Variants in MYCBP2 observed in about 807,000 individuals in gnomAD.
MYCBP2 encodes the protein MYC binding protein 2.
Under a neutral mutation model 525.3 loss-of-function variants are expected in MYCBP2, and 120 were observed. The observed-to-expected ratio is 0.23, with a 90% CI of 0.20 to 0.27. The LOEUF is 0.27. Ranked by LOEUF, MYCBP2 falls within the 10% of genes least tolerant of loss-of-function variation. MYCBP2 has a pLI of 1.00. For synonymous variants in MYCBP2, 1,894 were observed against 1,955.8 expected (o/e 0.97, Z 0.83); for missense variants, 4,149 against 5,657.1 (o/e 0.73, Z 8.55).
rs1594291678 is a variant in MYCBP2, at chr13:77,077,133, T to G, written c.11724+15A>C. On this transcript the variant is annotated intron_variant, in intron 67 of 82. Transcript: ENST00000544440. ...TCAATTATCCTGTGCTAGAATATGTTGTAAGGACACTCACTTGAGACGTAA... is the reference window on the plus strand; with the variant it reads ...TCAATTATCCTGTGCTAGAATATGTGGTAAGGACACTCACTTGAGACGTAA... 1 of 1,611,994 alleles carries G rather than the reference T, an allele frequency of 6.2e-7. No homozygotes were observed. Among genetic ancestry groups the G allele is most frequent in the African/African-American group, 1.3e-5 (1 of 75,016 alleles).
intron 68 of MYCBP2, among the ~76,000 whole-genome samples, chr13:77,071,447 G>C (rs972924830): frequency 6.6e-6 from 1 of 152,100 alleles, no homozygotes. Flanking sequence ...TCTTAAGATA[G>C]AGAGCCAGAA....
Position 77,144,341 on chromosome 13 carries a change from A to T in MYCBP2, c.7303+104T>A. ...AGGCCTCAAATAAGTTATGAAACCT[A>T]TCCATATGTCTAGTGCAAGTTAATG... On this transcript the variant is annotated intron_variant, in intron 49 of 82. Coordinates refer to ENST00000544440, the MANE Select transcript of MYCBP2 (RefSeq NM_015057.5). The T allele has an allele frequency of 6.8e-6, 5 of 738,300 alleles. No individual in the cohort carries two copies. The South Asian group carries it at 8.3e-5, about 12-fold the overall frequency. The allele number at this position is 738,300 out of a possible 1,614,324, so 45.7% of individuals were successfully genotyped here. A position where few individuals can be genotyped will look rare whatever the true frequency, so the allele number is the denominator to read the frequency against.
At chr13:77,291,341 G>A (rs148315706) in intron 2 of MYCBP2, among the ~76,000 whole-genome samples, 2 of 152,298 alleles carry the variant, frequency 1.3e-5, no homozygotes, top group Middle Eastern at 3.4e-3. Flanking sequence ...CCCCTACTTA[G>A]TAGGCTGACT....
intron 44 of MYCBP2, among the ~76,000 whole-genome samples, chr13:77,159,296 T>C (rs1024283692): frequency 6.6e-6 from 1 of 152,168 alleles, no homozygotes; most frequent in Non-Finnish European, 1.5e-5. Context: ...ATATAATACA[T>C]TGCCTAACAA....
intron 68 of MYCBP2, among the ~76,000 whole-genome samples, chr13:77,071,736 T>C (rs80208414): frequency 0.033 from 5,028 of 152,254 alleles, 213 homozygotes; most frequent in East Asian, 0.17. Flanking sequence ...CTAACTGATA[T>C]TTATAGAACC....
At chr13:77,090,050 T>C (rs1594431783) in intron 60 of MYCBP2, 56 bp downstream of exon 60, 1 of 1,404,716 alleles carries the variant, frequency 7.1e-7, no homozygotes, top group East Asian at 2.5e-5. Context: ...AATAAAACAA[T>C]TTTTTTATTT....
At chr13:77,208,430 T>C (rs2063600675) in intron 23 of MYCBP2, among the ~76,000 whole-genome samples, 1 of 152,174 alleles carries the variant, frequency 6.6e-6, no homozygotes, top group African/African-American at 2.4e-5. Context: ...TTGTTCACTG[T>C]AGCATTGTAG....
At chr13:77,206,439 A>C (rs914038911) in intron 24 of MYCBP2, among the ~76,000 whole-genome samples, 1 of 151,996 alleles carries the variant, frequency 6.6e-6, no homozygotes, top group Non-Finnish European at 1.5e-5. Context: ...GTGAAAATTA[A>C]ATAATTGGGC....
At chr13:77,134,544 CAAACAAAAAACA>C (rs1027131810) in intron 52 of MYCBP2, among the ~76,000 whole-genome samples, 8 of 148,120 alleles carry the variant, frequency 5.4e-5, no homozygotes, top group African/African-American at 1.0e-4. Context: ...AACAAACAAA[CAAACAAAAAACA>C]AAACAAAAAA....
rs772675027 is a variant in MYCBP2, at chr13:77,057,045, C to T, written c.13378G>A (p.Glu4460Lys). Residue 4460 changes from glutamate (E) to lysine (K), a missense_variant, in exon 79 of 83, where the codon GAA becomes AAA. Transcript: ENST00000544440. Reference sequence around the variant, plus strand: ...ATCCTTGGGCCAAGCCATCGATTTTCTAATACTCGCCGACAGCACTGTAAG... The same window carrying T: ...ATCCTTGGGCCAAGCCATCGATTTTTTAATACTCGCCGACAGCACTGTAAG... ...FHLQCCRRVL[E>K]NRWLGPRITF... The T allele has an allele frequency of 1.2e-6, 2 of 1,613,868 alleles. No homozygotes were observed. The highest frequency in any genetic ancestry group is 2.7e-5 in the African/African-American group (2 of 74,924).
chr13:77,118,622 T>C, intron 55 of MYCBP2: 1 of 562,506 alleles, frequency 1.8e-6, no homozygotes, highest in Non-Finnish European at 3.2e-6. Flanking sequence ...AATTCAGAAA[T>C]GAGTGAAAAT....
rs757119453 is a variant in MYCBP2 at position 77,096,443 on chromosome 13, T to A, written c.9823A>T (p.Ile3275Phe). 1 of 1,613,350 alleles carries A rather than the reference T, an allele frequency of 6.2e-7. No individual in the cohort carries two copies. The highest frequency in any genetic ancestry group is 1.7e-5 in the Admixed American group (1 of 59,938). ...RYAGGQGYNS[I>F]GHFCGGWAGN... is the part of the protein sequence containing the mutation. ...GCCCATCCTCCACAAAAATGCCCAA[T>A]GCTATTGTAACCTTGTCCACCAGCA... is the stretch of plus-strand genomic sequence containing the variant. The change falls in exon 57 of 83, where the codon ATT becomes TTT. Residue 3275 changes from isoleucine (I) to phenylalanine (F), a missense_variant. Ile to Phe is a conservative substitution (Grantham distance 21). Coordinates refer to ENST00000544440, the MANE Select transcript of MYCBP2 (RefSeq NM_015057.5).
chr13:77,115,707 A>T (rs1424326124), intron 55 of MYCBP2, among the ~76,000 whole-genome samples: 2 of 151,646 alleles, frequency 1.3e-5, no homozygotes, highest in Admixed American at 6.6e-5. Context: ...AAAGAATTAC[A>T]GATAATAATG....
chr13:77,080,951 A>G (rs1236384969), intron 65 of MYCBP2: 6 of 153,044 alleles, frequency 3.9e-5, no homozygotes, highest in Non-Finnish European at 8.7e-5. Flanking sequence ...AGAAAAAAAA[A>G]AAAAAGCTGA....
intron 18 of MYCBP2, among the ~76,000 whole-genome samples, chr13:77,228,330 A>AC (rs1271080226): frequency 1.3e-5 from 2 of 151,950 alleles, no homozygotes; most frequent in Non-Finnish European, 2.9e-5. Flanking sequence ...ACATGGTAAA[A>AC]CCCTGTCTCT....
intron 26 of MYCBP2, among the ~76,000 whole-genome samples, chr13:77,199,452 G>A (rs1189941999): frequency 4.6e-5 from 7 of 152,196 alleles, no homozygotes; most frequent in South Asian, 2.1e-4. Flanking sequence ...CAAGGCGGCA[G>A]CGAGGCTGGG....
rs1264438935 is a variant in MYCBP2 at position 77,058,607 on chromosome 13, G to A, written c.13141-201C>T. Among the ~76,000 whole-genome samples the A allele has an allele frequency of 2.0e-5, 3 of 149,822 alleles. No homozygotes were observed. Among genetic ancestry groups the A allele is most frequent in the African/African-American group, 7.4e-5 (3 of 40,698 alleles). On this transcript the variant is annotated intron_variant, in intron 77 of 82. Coordinates refer to ENST00000544440, the MANE Select transcript of MYCBP2 (RefSeq NM_015057.5). This position sits in a 1 kb window ranked among gnomAD's most constrained non-coding sequence, Gnocchi z 4.1. ...TAACAAAGTTTTTTTTTTTTGATGC[G>A]ATTTTTAAAAAATGCCACTCTCTAT...
chr13:77,083,605 C>T (rs2043695798), intron 62 of MYCBP2, among the ~76,000 whole-genome samples: 1 of 151,930 alleles, frequency 6.6e-6, no homozygotes, highest in Admixed American at 6.6e-5. Context: ...TTGGGGTGGT[C>T]ACTAACTCAT....
chr13:77,327,058 C>T lies in MYCBP2; in HGVS notation c.-283G>A. The stretch of plus-strand genomic sequence containing the variant: ...ACTGCCGCCGCCACCACCGCTACCA[C>T]CGCCACCACCGCCGGGGCTACCCGC... On this transcript the variant is annotated 5_prime_UTR_variant, in exon 1 of 83. The change creates a new upstream start codon in the 5' untranslated region. Coordinates refer to ENST00000544440, the MANE Select transcript of MYCBP2 (RefSeq NM_015057.5). 2.3e-6 allele frequency: 1 copy of T among 437,624 alleles called. No individual in the cohort carries two copies. The highest frequency in any genetic ancestry group is 3.5e-5 in the East Asian group (1 of 28,318). 27.1% of individuals were successfully genotyped at this position (437,624 alleles called of 1,614,324 possible). A position where few individuals can be genotyped will look rare whatever the true frequency, so the allele number is the denominator to read the frequency against.
Sources: allele counts gnomAD v4.1 joint callset (sites outside exome capture counted in the v4.1 genomes callset), GRCh38; gene constraint gnomAD v4.1.1; non-coding constraint Gnocchi (gnomAD v3.1); transcripts MANE v1.5; gene names NCBI Gene and HGNC (gene_info 2026-07-23, HGNC 2026-07-21).